Variants in MCUB observed in about 807,000 individuals in gnomAD.
MCUB encodes the protein calcium uniporter regulatory subunit MCUb, mitochondrial.
A neutral mutation model predicts 41.4 loss-of-function variants in MCUB; 46 were observed. That is an observed-to-expected ratio of 1.11 (90% CI 0.88 to 1.42). The LOEUF (loss-of-function observed/expected upper bound fraction) is 1.42, where lower values mean the gene tolerates loss of function less well. MCUB is among the 40% of genes most tolerant of loss of function. The pLI is 0.00. For missense variants in MCUB, 403 were observed against 404.9 expected (o/e 1.00, Z 0.04); for synonymous variants, 148 against 148.2 (o/e 1.00, Z 0.01).
chr4:109,587,372 C>G (rs1330757558), intron 1 of MCUB, among the ~76,000 whole-genome samples: 1 of 152,224 alleles, frequency 6.6e-6, no homozygotes, highest in East Asian at 1.9e-4. Context: ...GTCACGGCTT[C>G]CGTTGACTAG....
At chr4:109,662,410 A>G (rs1030070249) in intron 3 of MCUB, among the ~76,000 whole-genome samples, 2 of 152,228 alleles carry the variant, frequency 1.3e-5, no homozygotes, top group Admixed American at 6.5e-5. Context: ...TGTGTACTCA[A>G]TTAGTATTGA....
At chr4:109,655,397 G>A (rs1448354822) in intron 1 of MCUB, among the ~76,000 whole-genome samples, 1 of 152,128 alleles carries the variant, frequency 6.6e-6, no homozygotes, top group Non-Finnish European at 1.5e-5. Context: ...TCAGTCTCCA[G>A]CCTCTGTCCC....
At chr4:109,561,156 T>TGACAGGAGCCC (rs1375223819) in intron 1 of MCUB, 1 of 152,530 alleles carries the variant, frequency 6.6e-6, no homozygotes, top group Non-Finnish European at 1.5e-5. Flanking sequence ...CGATGGAGCC[T>TGACAGGAGCCC]GACAGGAGCC....
intron 4 of MCUB, among the ~76,000 whole-genome samples, chr4:109,680,449 G>T (rs1729690428): frequency 6.6e-6 from 1 of 152,022 alleles, no homozygotes; most frequent in African/African-American, 2.4e-5. Context: ...GTTCACGCTG[G>T]ACCCTATTGC....
rs117739329 is a variant in MCUB at position 109,623,511 on chromosome 4, C to T, written c.100-35500C>T. On this transcript the variant is annotated intron_variant, in intron 1 of 7. Coordinates refer to ENST00000394650, the MANE Select transcript of MCUB (RefSeq NM_017918.5). The stretch of plus-strand genomic sequence containing the variant: ...GTCAAAGCTTTTAGGAAGAGCTGTA[C>T]ACGATAATTGTGGATAATAAATATT... Among the ~76,000 whole-genome samples, 1,122 of 152,270 alleles carry T rather than the reference C, an allele frequency of 7.4e-3. 25 individuals carry two copies. Among genetic ancestry groups the T allele is most frequent in the East Asian group, 0.065 (335 of 5,184 alleles).
intron 4 of MCUB, among the ~76,000 whole-genome samples, chr4:109,676,220 G>A (rs368712641): frequency 2.0e-5 from 3 of 152,138 alleles, no homozygotes; most frequent in South Asian, 2.1e-4. Flanking sequence ...TTACTTAAGT[G>A]GTCATGATCA....
intron 4 of MCUB, among the ~76,000 whole-genome samples, chr4:109,677,731 C>G (rs1729603943): frequency 6.6e-6 from 1 of 150,432 alleles, no homozygotes; most frequent in Non-Finnish European, 1.5e-5. Context: ...AGGCCCTTGT[C>G]AGATGCTGGT....
intron 1 of MCUB, among the ~76,000 whole-genome samples, chr4:109,654,116 TG>T (rs1419114552): frequency 9.6e-5 from 7 of 72,892 alleles, no homozygotes; most frequent in East Asian, 8.2e-4. Context: ...ATAAATGTGT[TG>T]TTTTTTTTTT....
intron 7 of MCUB, among the ~76,000 whole-genome samples, chr4:109,685,985 CA>C (rs2126153520): frequency 6.6e-6 from 1 of 152,260 alleles, no homozygotes; most frequent in African/African-American, 2.4e-5. Flanking sequence ...AATTTCATAA[CA>C]AAAAAGTTTG....
intron 1 of MCUB, among the ~76,000 whole-genome samples, chr4:109,616,545 T>C (rs1468254785): frequency 6.6e-6 from 1 of 152,194 alleles, no homozygotes; most frequent in Non-Finnish European, 1.5e-5. Flanking sequence ...ATTTTGCTTT[T>C]ACTTGGACCT....
Position 109,582,618 on chromosome 4 carries a change from G to C in MCUB, c.99+22182G>C, listed in dbSNP as rs187934605. Among the ~76,000 whole-genome samples the C allele has an allele frequency of 8.6e-3, 1,296 of 151,090 alleles. 63 individuals carry two copies. The highest frequency in any genetic ancestry group is 0.07 in the Admixed American group (1,060 of 15,160). On this transcript the variant is annotated intron_variant, in intron 1 of 7. Transcript: ENST00000394650. The stretch of plus-strand genomic sequence containing the variant: ...TTGGCTTTTGTTGCCATTGCTTTTG[G>C]TGTTTTAGTCATGAAGTCCTTGTCC...
chr4:109,566,403 G>A (rs1341948211), intron 1 of MCUB, among the ~76,000 whole-genome samples: 1 of 151,002 alleles, frequency 6.6e-6, no homozygotes, highest in East Asian at 2.0e-4. Context: ...CCGGGAGGCA[G>A]AGCTTGTAGT....
At chr4:109,658,372 A>T (rs1246409929) in intron 1 of MCUB, among the ~76,000 whole-genome samples, 4 of 151,542 alleles carry the variant, frequency 2.6e-5, no homozygotes, top group Non-Finnish European at 2.9e-5. Context: ...ATCTTGGCTC[A>T]CGGCAAACTC....
At chr4:109,574,142 A>C (rs538444672) in intron 1 of MCUB, among the ~76,000 whole-genome samples, 1 of 152,248 alleles carries the variant, frequency 6.6e-6, no homozygotes, top group Non-Finnish European at 1.5e-5. Flanking sequence ...GGTGTCAGCC[A>C]CTGTGCCCGA....
chr4:109,560,399 G>A lies in MCUB; in HGVS notation c.62G>A (p.Arg21His). The change falls in exon 1 of 8, where the codon CGC (arginine) becomes CAC (histidine). Residue 21 changes from arginine to histidine, a missense_variant. By Grantham distance (29) the Arg-to-His change is conservative (BLOSUM62 0). Coordinates refer to ENST00000394650, the MANE Select transcript of MCUB (RefSeq NM_017918.5). Reference protein sequence around the residue: ...TRLLPTPGTWRPARPWPLPPP... With the variant: ...TRLLPTPGTWHPARPWPLPPP... ...CTGCTGCCGACCCCTGGCACCTGGC[G>A]CCCAGCGCGCCCGTGGCCGCTGCCG... 1.5e-6 allele frequency: 2 copies of A among 1,319,856 alleles called. No homozygotes were observed. The highest frequency in any genetic ancestry group is 3.1e-5 in the East Asian group (1 of 32,056). 81.8% of individuals were successfully genotyped at this position (1,319,856 alleles called of 1,614,324 possible).
At chr4:109,607,148 G>A (rs973162832) in intron 1 of MCUB, among the ~76,000 whole-genome samples, 6 of 151,994 alleles carry the variant, frequency 3.9e-5, no homozygotes, top group Admixed American at 2.6e-4. Flanking sequence ...TTTGATTTTT[G>A]TGTACTTATT....
chr4:109,571,492 T>TA (rs1726916473), intron 1 of MCUB, among the ~76,000 whole-genome samples: 1 of 152,190 alleles, frequency 6.6e-6, no homozygotes, highest in Non-Finnish European at 1.5e-5. Context: ...TTTGTATTTT[T>TA]AGTAGAGATG....
chr4:109,666,615 C>T (rs972543882), intron 4 of MCUB, among the ~76,000 whole-genome samples: 1 of 152,158 alleles, frequency 6.6e-6, no homozygotes, highest in Non-Finnish European at 1.5e-5. Flanking sequence ...CTTTTCAGAT[C>T]TTTGCCCATT....
chr4:109,638,465 G>A lies in MCUB; in HGVS notation c.100-20546G>A, dbSNP rs138508176. ...AGATACTTTATTGCTAAAAATGCTA[G>A]CAATCATCTGAGCCTTCATCAAGTC... On this transcript the variant is annotated intron_variant, in intron 1 of 7. Transcript: ENST00000394650. 4.0e-3 allele frequency among the ~76,000 whole-genome samples: 601 copies of A among 150,548 alleles called. 1 individual carries two copies. The highest frequency in any genetic ancestry group is 0.014 in the African/African-American group (558 of 41,004).
Sources: allele counts gnomAD v4.1 joint callset (sites outside exome capture counted in the v4.1 genomes callset), GRCh38; gene constraint gnomAD v4.1.1; transcripts MANE v1.5; gene names NCBI Gene and HGNC (gene_info 2026-07-23, HGNC 2026-07-21).